PKHD1: variants seen among roughly 807,000 people sequenced by gnomAD.
The protein encoded by PKHD1 is PKHD1 ciliary IPT domain containing fibrocystin/polyductin.
Under a neutral mutation model 412.0 loss-of-function variants are expected in PKHD1, and 291 were observed. That is an observed-to-expected ratio of 0.71 (90% CI 0.64 to 0.78). The LOEUF is 0.78. Ranked by LOEUF, PKHD1 falls within the 30% of genes least tolerant of loss-of-function variation. PKHD1 has a pLI of 0.00. For synonymous variants in PKHD1, 1,777 were observed against 1,821.5 expected, an observed-to-expected ratio of 0.98 and a Z score of 0.62; for missense variants, 4,825 against 4,950.7, an observed-to-expected ratio of 0.97 and a Z score of 0.76.
chr6:51,726,946 T>C (rs887112692), intron 60 of PKHD1, among the ~76,000 whole-genome samples: 3 of 152,252 alleles, frequency 2.0e-5, no homozygotes, highest in South Asian at 2.1e-4. Context: ...CTATAAACCT[T>C]AGAAGCAGAG....
At chr6:51,671,806 C>G (rs987582491) in intron 60 of PKHD1, among the ~76,000 whole-genome samples, 1 of 152,050 alleles carries the variant, frequency 6.6e-6, no homozygotes, top group Admixed American at 6.5e-5. Flanking sequence ...GGTACCCGCC[C>G]GTGTGAGGTG....
chr6:51,722,157 T>G, intron 60 of PKHD1: 16 of 1,399,856 alleles, frequency 1.1e-5, no homozygotes, highest in Non-Finnish European at 1.4e-5. Context: ...TCCGAGCTCT[T>G]TACTCATGCC....
chr6:51,900,875 C>G (rs1049258379), intron 43 of PKHD1, among the ~76,000 whole-genome samples: 2 of 152,310 alleles, frequency 1.3e-5, no homozygotes. Flanking sequence ...ACAGACACTT[C>G]TCAAAAGAAG....
chr6:52,036,647 G>A (rs1162570633), intron 27 of PKHD1, among the ~76,000 whole-genome samples: 4 of 151,948 alleles, frequency 2.6e-5, no homozygotes, highest in Non-Finnish European at 5.9e-5. Context: ...TGACTCGGTG[G>A]ACTAGTACCC....
intron 64 of PKHD1, among the ~76,000 whole-genome samples, chr6:51,634,889 G>C (rs1331172485): frequency 1.3e-5 from 2 of 152,150 alleles, no homozygotes; most frequent in Non-Finnish European, 2.9e-5. Context: ...CATTCTGAAG[G>C]CATGAAGTAT....
At chr6:52,072,673 T>C (rs12176486) in intron 7 of PKHD1, among the ~76,000 whole-genome samples, 62,585 of 151,982 alleles carry the variant, frequency 0.41, 14,973 homozygotes, top group Admixed American at 0.57. Context: ...TAAGATCATA[T>C]TCTCTTCAAC....
intron 61 of PKHD1, among the ~76,000 whole-genome samples, chr6:51,655,480 A>T (rs1771668347): frequency 6.6e-6 from 1 of 152,124 alleles, no homozygotes. Flanking sequence ...TACACATTGC[A>T]CACACCCAGA....
chr6:51,685,465 C>T (rs898851544), intron 60 of PKHD1, among the ~76,000 whole-genome samples: 6 of 152,052 alleles, frequency 3.9e-5, no homozygotes, highest in African/African-American at 1.4e-4. Context: ...TCTTTGAGAG[C>T]ATACTTGTTC....
intron 55 of PKHD1, among the ~76,000 whole-genome samples, chr6:51,762,035 T>G (rs1409543): frequency 0.32 from 48,548 of 151,858 alleles, 9,631 homozygotes; most frequent in East Asian, 0.69. Flanking sequence ...CATATATTTA[T>G]CCACATCTTT....
At chr6:52,032,022 C>T (rs141145193) in intron 29 of PKHD1, among the ~76,000 whole-genome samples, 360 of 152,188 alleles carry the variant, frequency 2.4e-3, no homozygotes, top group African/African-American at 8.1e-3. Context: ...ACATGGAGCT[C>T]CCCCTCCCTT....
intron 6 of PKHD1, 70 bp downstream of exon 6, chr6:52,076,206 C>T (rs1315298781): frequency 9.5e-7 from 1 of 1,047,518 alleles, no homozygotes; most frequent in South Asian, 1.3e-5. Flanking sequence ...AAAAACCACT[C>T]ACCTAGGTTT....
intron 52 of PKHD1, among the ~76,000 whole-genome samples, chr6:51,829,327 G>T (rs1767856321): frequency 6.6e-6 from 1 of 152,122 alleles, no homozygotes; most frequent in Non-Finnish European, 1.5e-5. Context: ...GTCAACTGCA[G>T]TGCCAAGCAA....
At chr6:51,793,641 T>A (rs1408587282) in intron 52 of PKHD1, among the ~76,000 whole-genome samples, 5 of 152,212 alleles carry the variant, frequency 3.3e-5, no homozygotes, top group Non-Finnish European at 7.3e-5. Context: ...CCGTGTTAGG[T>A]TGCTAAGGAT....
At position 51,616,898 on chromosome 6, in the gene PKHD1, C is replaced by G. The variant is rs1208425291; in HGVS notation, c.*2183G>C. 5.2e-6 allele frequency: 2 copies of G among 384,086 alleles called. No homozygotes were observed. The highest frequency in any genetic ancestry group is 4.1e-5 in the African/African-American group (2 of 48,270). The allele number at this position is 384,086 out of a possible 1,614,324, so 23.8% of individuals were successfully genotyped here. ...TGAAGGGCGAAATAGAATGAAGAGT[C>G]ATGACTGACTTCTAGATTTCTGGTC... On this transcript the variant is annotated 3_prime_UTR_variant, in exon 67 of 67. Coordinates refer to ENST00000371117, the MANE Select transcript of PKHD1 (RefSeq NM_138694.4).
chr6:52,078,384 C>T (rs527698160), intron 5 of PKHD1, among the ~76,000 whole-genome samples: 22 of 152,310 alleles, frequency 1.4e-4, no homozygotes, highest in Non-Finnish European at 2.2e-4. Context: ...AGAGGAAATG[C>T]AGCAGATTAG....
chr6:51,805,424 T>G (rs1020903498), intron 52 of PKHD1, among the ~76,000 whole-genome samples: 4 of 152,150 alleles, frequency 2.6e-5, no homozygotes, highest in Non-Finnish European at 5.9e-5. Context: ...ACCTATTGGG[T>G]GCTATGCTCA....
At chr6:51,643,901 T>C (rs1337071914) in intron 63 of PKHD1, among the ~76,000 whole-genome samples, 2 of 151,968 alleles carry the variant, frequency 1.3e-5, no homozygotes, top group Non-Finnish European at 2.9e-5. Flanking sequence ...CCTGTGTCCA[T>C]GTGTTCTCAC....
At chr6:52,085,816 G>T (rs1026821210) in intron 1 of PKHD1, among the ~76,000 whole-genome samples, 1 of 151,838 alleles carries the variant, frequency 6.6e-6, no homozygotes, top group Non-Finnish European at 1.5e-5. Context: ...CTAAATCTGG[G>T]TTTACCTAAT....
chr6:51,710,760 T>G (rs1285990216), intron 60 of PKHD1, among the ~76,000 whole-genome samples: 1 of 152,236 alleles, frequency 6.6e-6, no homozygotes, highest in Non-Finnish European at 1.5e-5. Context: ...GTAATGTTTT[T>G]ACTCATCACA....
Sources: allele counts gnomAD v4.1 joint callset (sites outside exome capture counted in the v4.1 genomes callset), GRCh38; gene constraint gnomAD v4.1.1; transcripts MANE v1.5; gene names NCBI Gene and HGNC (gene_info 2026-07-23, HGNC 2026-07-21).